HELZ2: variants seen among roughly 807,000 people sequenced by gnomAD.
HELZ2 encodes the protein 3'-5' exoribonuclease HELZ2.
A neutral mutation model predicts 208.8 loss-of-function variants in HELZ2; 143 were observed. That is an observed-to-expected ratio of 0.68 (90% confidence interval 0.60 to 0.79). HELZ2 has a LOEUF of 0.79. Among genes scored for constraint, HELZ2 ranks in the 30% least tolerant of loss-of-function variants. The pLI is 0.00. For synonymous variants in HELZ2, 1,705 were observed against 1,693.7 expected, an observed-to-expected ratio of 1.01 and a Z score of -0.16; for missense variants, 3,690 against 3,794.5, an observed-to-expected ratio of 0.97 and a Z score of 0.72.
Position 63,564,557 on chromosome 20 carries a change from C to T in HELZ2, c.4265G>A (p.Arg1422Gln), listed in dbSNP as rs61742353. Reference sequence around the variant, plus strand: ...GAACAGGGAGATGGCCAGGCGGTCCCGGCCAGGCAGGAGGCTGAGGACGTC... The same window carrying T: ...GAACAGGGAGATGGCCAGGCGGTCCTGGCCAGGCAGGAGGCTGAGGACGTC... The change falls in exon 8 of 19, where the codon CGG becomes CAG. Residue 1422 changes from arginine (R) to glutamine (Q), a missense_variant. Arg to Gln is a conservative substitution (Grantham distance 43, BLOSUM62 1). Around this residue, in one of 3 missense-constraint regions of HELZ2, gnomAD observed 2,564 missense variants for 2,580.5 expected, o/e 0.99. Coordinates refer to ENST00000467148, the Ensembl canonical transcript of HELZ2. The T allele has an allele frequency of 1.6e-3, 2,578 of 1,568,916 alleles. 39 individuals carry two copies. In the African/African-American group the frequency reaches 0.031, roughly 19 times the overall value.
At chr20:63,559,432 T>C (rs381133) in intron 18 of HELZ2, 62 bp from the exon 20 acceptor site, 2 of 1,466,768 alleles carry the variant, frequency 1.4e-6, no homozygotes, top group Middle Eastern at 2.6e-4. Context: ...CAGGGTCAGG[T>C]GGGAGGAGTC....
chr20:63,568,506 C>A (rs747503976), exon 5 of HELZ2: 15 of 1,584,618 alleles, frequency 9.5e-6, no homozygotes, highest in Non-Finnish European at 1.3e-5. Flanking sequence ...GGGCCCCAGC[C>A]CGCGATGAGC....
At chr20:63,567,395 T>G in exon 6 of HELZ2, 1 of 1,586,462 alleles carries the variant, frequency 6.3e-7, no homozygotes, top group Non-Finnish European at 8.6e-7. Context: ...ACCGGCACCC[T>G]GAGCTCACGG....
chr20:63,563,194 C>T, exon 8 of HELZ2: 6 of 1,587,424 alleles, frequency 3.8e-6, no homozygotes, highest in Non-Finnish European at 5.1e-6. Flanking sequence ...CACTGCCCAG[C>T]TCCCGGGCCA....
At position 63,565,513 on chromosome 20, in the gene HELZ2, G is replaced by A. The variant is rs750570507; in HGVS notation, c.3309C>T (p.Ser1103=). Reference sequence around the variant, plus strand: ...TCTCGTACAGCCGGGCCTGCTGCAGGGACTCGGGCCTGGCGACAGTGTCCA... The same window carrying A: ...TCTCGTACAGCCGGGCCTGCTGCAGAGACTCGGGCCTGGCGACAGTGTCCA... The change falls in exon 8 of 19, where the codon TCC becomes TCT. Residue 1103 remains serine (S), a synonymous_variant. Transcript: ENST00000467148. The A allele has an allele frequency of 2.5e-6, 4 of 1,606,444 alleles. No individual in the cohort carries two copies. The East Asian group carries it at 8.9e-5, about 36-fold the overall frequency.
Position 63,566,365 on chromosome 20 carries a change from G to A in HELZ2, c.2590+13C>T, listed in dbSNP as rs370419412. 1,593 of 1,547,160 alleles carry A rather than the reference G, an allele frequency of 1.0e-3. 9 individuals carry two copies. The highest frequency in any genetic ancestry group is 2.7e-3 in the East Asian group (110 of 40,924). ...GGGGCAGCTGGCAGCACCTGGCCCC[G>A]CTGGTCACCCACCTGGCAGGATCTC... is the stretch of plus-strand genomic sequence containing the variant. On this transcript the variant is annotated intron_variant, in intron 7 of 18. Coordinates refer to ENST00000467148, the Ensembl canonical transcript of HELZ2.
chr20:63,559,367 TCTC>T (rs1406763600), exon 19 of HELZ2: 16 of 1,592,942 alleles, frequency 1.0e-5, no homozygotes, highest in Non-Finnish European at 1.2e-5. Flanking sequence ...AAGGAGGTGG[TCTC>T]CTGTGAGGGT....
At chr20:63,561,203 G>A (rs1211913458) in exon 14 of HELZ2, 2 of 1,612,884 alleles carry the variant, frequency 1.2e-6, no homozygotes, top group Non-Finnish European at 1.7e-6. Flanking sequence ...GGCTGCACAG[G>A]AGCAGGTGCA....
chr20:63,560,296 C>T (rs1293000370), exon 17 of HELZ2: 4 of 1,557,976 alleles, frequency 2.6e-6, no homozygotes, highest in Admixed American at 1.9e-5. Context: ...CTCTACGGTC[C>T]TCCCCAGGGT....
exon 8 of HELZ2, chr20:63,564,178 C>G: frequency 6.2e-7 from 1 of 1,611,582 alleles, no homozygotes. Flanking sequence ...GAGGCGTGAC[C>G]GTCCGCGTGC....
At chr20:63,559,158 C>G, downstream of HELZ2, 1 of 1,343,802 alleles carries the variant, frequency 7.4e-7, no homozygotes, top group Non-Finnish European at 9.7e-7. Context: ...CTGGCCCAGG[C>G]AGGCTGATGG....
exon 8 of HELZ2, chr20:63,563,990 C>A (rs779686338): frequency 3.2e-5 from 52 of 1,602,214 alleles, no homozygotes; most frequent in Non-Finnish European, 3.8e-5. Flanking sequence ...GTCCTGGGTG[C>A]GGGCAGCAAA....
chr20:63,559,409 A>T (rs766213596), intron 18 of HELZ2, 39 bp from the exon 20 acceptor site: 95 of 1,507,324 alleles, frequency 6.3e-5, no homozygotes, highest in Non-Finnish European at 7.9e-5. Flanking sequence ...AGTCAGGGTC[A>T]GGTGGGAGGA....
exon 8 of HELZ2, chr20:63,562,572 T>C (rs746491477): frequency 3.8e-6 from 6 of 1,598,726 alleles, no homozygotes; most frequent in South Asian, 1.1e-5. Context: ...GTGCCCGGCC[T>C]CAGCACCTCT....
chr20:63,560,102 G>C lies in HELZ2; in HGVS notation c.7658-7C>G. 1 of 1,584,092 alleles carries C rather than the reference G, an allele frequency of 6.3e-7. No homozygotes were observed. Reference sequence around the variant, plus strand: ...ACATAGCGCCACTCGCTCCCTGCGGGATGGGAGGTGAGGCCCTGCTGCCGC... The same window carrying C: ...ACATAGCGCCACTCGCTCCCTGCGGCATGGGAGGTGAGGCCCTGCTGCCGC... On this transcript the variant is annotated splice_polypyrimidine_tract_variant and splice_region_variant and intron_variant, in intron 17 of 18. Transcript: ENST00000467148.
exon 1 of HELZ2, chr20:63,572,319 G>T: frequency 6.3e-7 from 1 of 1,586,978 alleles, no homozygotes; most frequent in African/African-American, 1.3e-5. Context: ...TCGCCATCAG[G>T]GGCAGGGGGT....
chr20:63,560,656 C>T, exon 16 of HELZ2: 1 of 1,609,982 alleles, frequency 6.2e-7, no homozygotes, highest in Non-Finnish European at 8.5e-7. Flanking sequence ...TCAGCTTGCT[C>T]TTGTAGAACG....
In HELZ2 at chr20:63,569,574, G is replaced by A. The variant is rs1373598231; in HGVS notation, c.662C>T (p.Ala221Val). Reference sequence around the variant, plus strand: ...GGGCACACGGAAGCGCTCACCCCGTGCGTAGAGCCGGCCTGGCGGGAGGCC... The same window carrying A: ...GGGCACACGGAAGCGCTCACCCCGTACGTAGAGCCGGCCTGGCGGGAGGCC... The change falls in exon 4 of 19, where the codon GCA becomes GTA. Residue 221 changes from alanine to valine, a missense_variant. Ala to Val is a moderately conservative substitution (Grantham distance 64). This residue lies in a region of HELZ2 where 1,119 missense variants were observed against 1,193.4 expected (regional missense o/e 0.94). Transcript: ENST00000467148. 1 of 1,590,264 alleles carries A rather than the reference G, an allele frequency of 6.3e-7. No homozygotes were observed. The highest frequency in any genetic ancestry group is 8.6e-7 in the Non-Finnish European group (1 of 1,169,392).
At chr20:63,568,018 CCAAAGGGGAACCTTGTGGTTAGG>C (rs1209230121) in intron 5 of HELZ2, 14 of 535,362 alleles carry the variant, frequency 2.6e-5, no homozygotes, top group Non-Finnish European at 4.3e-5. Flanking sequence ...ACCACATAAA[CCAAAGGGGAACCTTGTGGTTAGG>C]ACAAAGATCT....
Sources: allele counts gnomAD v4.1 joint callset, GRCh38; gene constraint gnomAD v4.1.1; regional missense constraint gnomAD v4.1.1; transcripts MANE v1.5; gene names NCBI Gene and HGNC (gene_info 2026-07-23, HGNC 2026-07-21).